The following FBXO15 variants were observed in gnomAD, a reference collection of about 807,000 sequenced individuals.
FBXO15 encodes F-box protein 15.
FBXO15 carries 30 observed loss-of-function variants against 49.5 expected under a neutral mutation model. The ratio of observed to expected loss-of-function variants is 0.61; its 90% CI spans 0.45 to 0.82. The LOEUF is 0.82. Ranked by LOEUF, FBXO15 falls within the 40% of genes least tolerant of loss-of-function variation. FBXO15 has a pLI of 0.00. For missense variants in FBXO15, 591 were observed against 631.5 expected (o/e 0.94, Z 0.69); for synonymous variants, 250 against 232.7 (o/e 1.07, Z -0.68).
rs1012910683 is a variant in FBXO15 at position 74,074,500 on chromosome 18, C to T, written c.1264-770G>A. ...AGTCACATGGCCGACACAGCACTTCCCGGAAGTGGTCCACTTTCACTATCC... is the reference window on the plus strand; with the variant it reads ...AGTCACATGGCCGACACAGCACTTCTCGGAAGTGGTCCACTTTCACTATCC... On this transcript the variant is annotated intron_variant, in intron 9 of 9. Transcript: ENST00000419743. This position sits in a 1 kb window ranked among gnomAD's most constrained non-coding sequence, Gnocchi z 4.7. Among the ~76,000 whole-genome samples the T allele has an allele frequency of 2.0e-5, 3 of 152,190 alleles. No individual in the cohort carries two copies. Among genetic ancestry groups the T allele is most frequent in the Non-Finnish European group, 4.4e-5 (3 of 68,028 alleles).
At chr18:74,093,192 T>A (rs1014956568) in intron 8 of FBXO15, among the ~76,000 whole-genome samples, 9 of 132,466 alleles carry the variant, frequency 6.8e-5, no homozygotes, top group African/African-American at 2.3e-4. Context: ...CATGGTGGAG[T>A]GCACATACAC....
chr18:74,124,201 CA>C (rs779369549), intron 7 of FBXO15, among the ~76,000 whole-genome samples: 4 of 152,180 alleles, frequency 2.6e-5, no homozygotes, highest in Non-Finnish European at 5.9e-5. Flanking sequence ...CACATAAGAG[CA>C]AGAACTTGAA....
chr18:74,130,445 G>A lies in FBXO15; in HGVS notation c.546C>T (p.Gly182=), dbSNP rs780054848. 6.2e-7 allele frequency: 1 copy of A among 1,614,182 alleles called. No individual in the cohort carries two copies. Among genetic ancestry groups the A allele is most frequent in the Non-Finnish European group, 8.5e-7 (1 of 1,180,022 alleles). The change falls in exon 4 of 10, where the codon GGC becomes GGT. Residue 182 remains glycine, a synonymous_variant. Transcript: ENST00000419743. ...GGGCCTCTTTGGTCTTAACTGGAAG[G>A]CCTGTGTAAGGGTTGACAGGTTTGA... is the stretch of plus-strand genomic sequence containing the variant. The part of the protein sequence containing the change: ...DILKPVNPYT[G]LPVKTKEALR...
At chr18:74,103,165 A>G (rs1236187474) in intron 8 of FBXO15, among the ~76,000 whole-genome samples, 1 of 152,142 alleles carries the variant, frequency 6.6e-6, no homozygotes, top group Non-Finnish European at 1.5e-5. Context: ...TTTAGCAAAC[A>G]GATTGAAATA....
chr18:74,126,613 ATAAACT>A (rs753018756), intron 5 of FBXO15, among the ~76,000 whole-genome samples: 5 of 152,234 alleles, frequency 3.3e-5, no homozygotes, highest in Non-Finnish European at 5.9e-5. Context: ...CACATCAGAA[ATAAACT>A]TAAACTAAAT....
At chr18:74,134,090 G>A (rs1036572073) in intron 3 of FBXO15, among the ~76,000 whole-genome samples, 2 of 152,192 alleles carry the variant, frequency 1.3e-5, no homozygotes, top group African/African-American at 4.8e-5. Flanking sequence ...TCATTGATAT[G>A]TGTATGTGTG....
chr18:74,092,807 CCAGATAAAGCATCATGTGGTGG>C (rs1913100453), intron 8 of FBXO15, among the ~76,000 whole-genome samples: 1 of 152,100 alleles, frequency 6.6e-6, no homozygotes, highest in African/African-American at 2.4e-5. Context: ...ATGGGTGGTG[CCAGATAAAGCATCATGTGGTGG>C]CAGCAGGATC....
At chr18:74,121,238 C>T (rs57516470) in intron 8 of FBXO15, among the ~76,000 whole-genome samples, 3,162 of 152,218 alleles carry the variant, frequency 0.021, 107 homozygotes, top group African/African-American at 0.072. Flanking sequence ...GGAAGAAATA[C>T]TACCAATTCT....
At chr18:74,139,961 A>C (rs1162499314) in intron 2 of FBXO15, among the ~76,000 whole-genome samples, 2 of 152,198 alleles carry the variant, frequency 1.3e-5, no homozygotes, top group Non-Finnish European at 2.9e-5. Flanking sequence ...AGAACGTTTT[A>C]ATAAAAGGAA....
intron 8 of FBXO15, among the ~76,000 whole-genome samples, chr18:74,082,932 T>C (rs1912569259): frequency 6.6e-6 from 1 of 152,194 alleles, no homozygotes; most frequent in Non-Finnish European, 1.5e-5. Flanking sequence ...GGTTATTTCA[T>C]GAGACAAAAT....
chr18:74,145,539 C>T (rs920385450), intron 1 of FBXO15, among the ~76,000 whole-genome samples: 3 of 149,386 alleles, frequency 2.0e-5, no homozygotes, highest in African/African-American at 7.5e-5. Flanking sequence ...ATCAGTGTAC[C>T]TTTTAACACT....
intron 2 of FBXO15, 101 bp from the exon 3 acceptor site, chr18:74,135,967 G>T: frequency 1.2e-6 from 1 of 840,254 alleles, no homozygotes; most frequent in Non-Finnish European, 1.9e-6. Flanking sequence ...TAAATAGAAG[G>T]CCGTAGAGAG....
intron 8 of FBXO15, among the ~76,000 whole-genome samples, chr18:74,105,453 T>C (rs1414312716): frequency 6.6e-6 from 1 of 152,150 alleles, no homozygotes; most frequent in Non-Finnish European, 1.5e-5. Context: ...CAAAGGTTTT[T>C]TTTTGAGATG....
At chr18:74,145,593 A>ATTTTTTTT (rs1568186088) in intron 1 of FBXO15, among the ~76,000 whole-genome samples, 4 of 108,138 alleles carry the variant, frequency 3.7e-5, no homozygotes, top group African/African-American at 1.4e-4. Flanking sequence ...AACCAACTGC[A>ATTTTTTTT]CTTTTTTTTT....
chr18:74,094,008 T>C (rs1913168582), intron 8 of FBXO15, among the ~76,000 whole-genome samples: 1 of 152,250 alleles, frequency 6.6e-6, no homozygotes, highest in South Asian at 2.1e-4. Flanking sequence ...ACTTAATGGA[T>C]GAAATTACCC....
At chr18:74,139,154 T>C (rs551927080) in intron 2 of FBXO15, among the ~76,000 whole-genome samples, 1 of 152,298 alleles carries the variant, frequency 6.6e-6, no homozygotes, top group South Asian at 2.1e-4. Context: ...AAGTAAGTCT[T>C]TCCTCACCAC....
chr18:74,103,375 G>T (rs1913608366), intron 8 of FBXO15, among the ~76,000 whole-genome samples: 1 of 151,580 alleles, frequency 6.6e-6, no homozygotes, highest in Non-Finnish European at 1.5e-5. Context: ...ACAAGATATA[G>T]AAAATTACCT....
chr18:74,135,223 TACA>T (rs1425993273), intron 3 of FBXO15, among the ~76,000 whole-genome samples: 1 of 152,196 alleles, frequency 6.6e-6, no homozygotes, highest in African/African-American at 2.4e-5. Flanking sequence ...CATCCAAGCG[TACA>T]ACCTCTAGGA....
rs556018347 is a variant in FBXO15, at chr18:74,130,793, C to T, written c.333-135G>A. 1.1e-3 allele frequency: 1,039 copies of T among 950,338 alleles called. 2 individuals carry two copies. The highest frequency in any genetic ancestry group is 1.3e-3 in the Non-Finnish European group (828 of 657,780). 58.9% of individuals were successfully genotyped at this position (950,338 alleles called of 1,614,324 possible). On this transcript the variant is annotated intron_variant, in intron 3 of 9. Coordinates refer to ENST00000419743, the MANE Select transcript of FBXO15 (RefSeq NM_001142958.2). ...GCCAAGCTGAATATTTACAGTTGAACGTTCATCTGTTAAAGTGAATTGCAG... is the reference window on the plus strand; with the variant it reads ...GCCAAGCTGAATATTTACAGTTGAATGTTCATCTGTTAAAGTGAATTGCAG...
Sources: allele counts gnomAD v4.1 joint callset (sites outside exome capture counted in the v4.1 genomes callset), GRCh38; gene constraint gnomAD v4.1.1; non-coding constraint Gnocchi (gnomAD v3.1); transcripts MANE v1.5; gene names NCBI Gene and HGNC (gene_info 2026-07-23, HGNC 2026-07-21).